The following CLSTN1 variants were observed in gnomAD, a reference collection of about 807,000 sequenced individuals.
CLSTN1 encodes calsyntenin-1.
In CLSTN1, 28 loss-of-function variants were observed where a neutral mutation model predicts 108.3. That is an observed-to-expected ratio of 0.26 (90% CI 0.19 to 0.35). CLSTN1 has a LOEUF of 0.35. CLSTN1 is among the 10% of genes least tolerant of loss of function. The pLI is 1.00. For missense variants in CLSTN1, 1,157 were observed against 1,302.6 expected, an observed-to-expected ratio of 0.89 and a Z score of 1.72; for synonymous variants, 524 against 534.9, an observed-to-expected ratio of 0.98 and a Z score of 0.28.
intron 15 of CLSTN1, 69 bp from the exon 16 acceptor site, chr1:9,733,615 T>G: frequency 6.3e-7 from 1 of 1,587,154 alleles, no homozygotes; most frequent in Non-Finnish European, 8.6e-7. Flanking sequence ...GCTGCAGCCG[T>G]CAGCACAGGC....
intron 4 of CLSTN1, among the ~76,000 whole-genome samples, chr1:9,753,953 C>CA (rs1651687661): frequency 1.3e-5 from 2 of 152,114 alleles, no homozygotes. Context: ...GCTGAGACCA[C>CA]AGGCATGTGC....
At chr1:9,806,410 G>A (rs1654509018) in intron 1 of CLSTN1, among the ~76,000 whole-genome samples, 2 of 152,194 alleles carry the variant, frequency 1.3e-5, no homozygotes, top group South Asian at 4.1e-4. Context: ...TAAAGGGTTA[G>A]GTTGGGTTCA....
chr1:9,794,631 A>C (rs1214033742), intron 1 of CLSTN1, among the ~76,000 whole-genome samples: 1 of 151,396 alleles, frequency 6.6e-6, no homozygotes, highest in Non-Finnish European at 1.5e-5. Flanking sequence ...TTACGATCCA[A>C]GCCAGGCAGG....
At position 9,730,690 on chromosome 1, in the gene CLSTN1, G is replaced by C; in HGVS notation, c.2764C>G (p.His922Asp). 1 of 1,606,306 alleles carries C rather than the reference G, an allele frequency of 6.2e-7. No homozygotes were observed. The highest frequency in any genetic ancestry group is 8.5e-7 in the Non-Finnish European group (1 of 1,178,518). ...VNPMETYEDQ[H>D]SSEEEEEEEE... ...TCTTCCTCCTCCTCCTCACTGCTGT[G>C]CTGGTCCTCATAGGTCTGGCAAGGA... is the stretch of plus-strand genomic sequence containing the variant. Residue 922 changes from histidine to aspartate, a missense_variant, in exon 19 of 19, where the codon CAC becomes GAC. Physicochemically the swap from His to Asp is moderately conservative, Grantham distance 81 (BLOSUM62 -1). Coordinates refer to ENST00000377298, the MANE Select transcript of CLSTN1 (RefSeq NM_001009566.3). This position sits in a 1 kb window ranked among gnomAD's most constrained non-coding sequence, Gnocchi z 5.6.
At chr1:9,762,587 C>T (rs903438905) in intron 2 of CLSTN1, among the ~76,000 whole-genome samples, 13 of 150,820 alleles carry the variant, frequency 8.6e-5, no homozygotes, top group Admixed American at 2.6e-4. Context: ...CCGCACTCAA[C>T]GGCTCTGCTC....
At chr1:9,802,484 T>A (rs924823840) in intron 1 of CLSTN1, among the ~76,000 whole-genome samples, 7 of 152,198 alleles carry the variant, frequency 4.6e-5, no homozygotes, top group African/African-American at 1.7e-4. Context: ...TGTGACTTTG[T>A]TAACAGGATG....
intron 1 of CLSTN1, among the ~76,000 whole-genome samples, chr1:9,776,011 C>T (rs1652923242): frequency 6.7e-6 from 1 of 150,040 alleles, no homozygotes; most frequent in African/African-American, 2.5e-5. Flanking sequence ...CTTGCTCTGT[C>T]GCCCAGGCTG....
At chr1:9,744,077 T>C in intron 8 of CLSTN1, 72 bp from the exon 9 acceptor site, 3 of 1,580,974 alleles carry the variant, frequency 1.9e-6, no homozygotes, top group Non-Finnish European at 2.6e-6. Flanking sequence ...GTTTCTTGAA[T>C]GGATTTTGAA....
In CLSTN1 at chr1:9,813,913, C is replaced by T. The variant is rs1490478167; in HGVS notation, c.91+9730G>A. On this transcript the variant is annotated intron_variant, in intron 1 of 18. Coordinates refer to ENST00000377298, the MANE Select transcript of CLSTN1 (RefSeq NM_001009566.3). ...AGGAGATCGAGACCATCCTGGCTAA[C>T]ACGATGAAACCCTGTCTCTACTAAA... Among the ~76,000 whole-genome samples the T allele has an allele frequency of 2.6e-5, 4 of 151,482 alleles. No individual in the cohort carries two copies. In the East Asian group the frequency reaches 7.8e-4, roughly 29 times the overall value.
chr1:9,746,620 G>A (rs1201484245), intron 7 of CLSTN1, among the ~76,000 whole-genome samples: 2 of 151,542 alleles, frequency 1.3e-5, no homozygotes, highest in Non-Finnish European at 2.9e-5. Flanking sequence ...AGGCTGAGGT[G>A]GGAGAATCAC....
chr1:9,798,210 A>G (rs750200906), intron 1 of CLSTN1, among the ~76,000 whole-genome samples: 2 of 151,890 alleles, frequency 1.3e-5, no homozygotes, highest in African/African-American at 2.4e-5. Flanking sequence ...AAGAAAAACT[A>G]TATGACCCAG....
intron 1 of CLSTN1, among the ~76,000 whole-genome samples, chr1:9,815,658 C>A (rs528643811): frequency 6.6e-6 from 1 of 152,122 alleles, no homozygotes; most frequent in Non-Finnish European, 1.5e-5. Flanking sequence ...AAACACAGGC[C>A]GGGCATAGTG....
At chr1:9,776,347 T>C (rs1652941751) in intron 1 of CLSTN1, among the ~76,000 whole-genome samples, 1 of 152,186 alleles carries the variant, frequency 6.6e-6, no homozygotes, top group African/African-American at 2.4e-5. Flanking sequence ...TCCTTCTGGC[T>C]TCACTTCCTA....
intron 12 of CLSTN1, 121 bp from the exon 13 acceptor site, chr1:9,735,736 G>C (rs957205864): frequency 1.3e-6 from 2 of 1,509,442 alleles, no homozygotes; most frequent in Non-Finnish European, 1.8e-6. Context: ...ACTTGAAAAA[G>C]AAAAGCTCGT....
At position 9,730,646 on chromosome 1, in the gene CLSTN1, G is replaced by A. The variant is rs768002556; in HGVS notation, c.2808C>T (p.Ser936=). 1.6e-5 allele frequency: 26 copies of A among 1,610,144 alleles called. No homozygotes were observed. The highest frequency in any genetic ancestry group is 4.5e-5 in the East Asian group (2 of 44,886). The change falls in exon 19 of 19, where the codon AGC becomes AGT. Residue 936 remains serine, a synonymous_variant. Transcript: ENST00000377298. This position sits in a 1 kb window ranked among gnomAD's most constrained non-coding sequence, Gnocchi z 5.6. Reference sequence around the variant, plus strand: ...TGTCATCCTCTTCTTCGCCGTCCTCGCTTTCCTCTTCCTCTTCCTCTTCCT... The same window carrying A: ...TGTCATCCTCTTCTTCGCCGTCCTCACTTTCCTCTTCCTCTTCCTCTTCCT... ...EEEEEEEEEE[S]EDGEEEDDIT...
intron 2 of CLSTN1, among the ~76,000 whole-genome samples, chr1:9,767,477 G>A (rs899449198): frequency 7.9e-5 from 12 of 151,576 alleles, no homozygotes; most frequent in Non-Finnish European, 1.6e-4. Flanking sequence ...CCCAGGAGGC[G>A]GAGGTTGCAG....
intron 7 of CLSTN1, 78 bp from the exon 8 acceptor site, chr1:9,744,721 G>A: frequency 6.9e-7 from 1 of 1,459,432 alleles, no homozygotes; most frequent in South Asian, 1.4e-5. Context: ...GCACGTGCTT[G>A]TCTTACACTT....
At chr1:9,790,386 T>C (rs1312232815) in intron 1 of CLSTN1, among the ~76,000 whole-genome samples, 2 of 151,484 alleles carry the variant, frequency 1.3e-5, no homozygotes, top group Non-Finnish European at 2.9e-5. Flanking sequence ...TCGGCATTAA[T>C]TGGTATGCTG....
chr1:9,734,796 C>G lies in CLSTN1; in HGVS notation c.2110+152G>C. On this transcript the variant is annotated intron_variant, in intron 14 of 18. Coordinates refer to ENST00000377298, the MANE Select transcript of CLSTN1 (RefSeq NM_001009566.3). The surrounding 1 kb of genome is among the most constrained non-coding windows in gnomAD (Gnocchi z 4.8). ...AGAGATCACCATGAGCTCCAGCTCA[C>G]GGGTCAGATTCCAGAAGCACACCCG... The G allele has an allele frequency of 1.6e-6, 1 of 643,886 alleles. No individual in the cohort carries two copies. 39.9% of individuals were successfully genotyped at this position (643,886 alleles called of 1,614,324 possible). A position where few individuals can be genotyped will look rare whatever the true frequency, so the allele number is the denominator to read the frequency against.
Sources: allele counts gnomAD v4.1 joint callset (sites outside exome capture counted in the v4.1 genomes callset), GRCh38; gene constraint gnomAD v4.1.1; non-coding constraint Gnocchi (gnomAD v3.1); transcripts MANE v1.5; gene names NCBI Gene and HGNC (gene_info 2026-07-23, HGNC 2026-07-21).